ASTN2: variants seen among roughly 807,000 people sequenced by gnomAD.
ASTN2 encodes the protein astrotactin-2.
ASTN2 carries 54 observed loss-of-function variants against 139.8 expected under a neutral mutation model. The observed-to-expected ratio is 0.39, with a 90% CI of 0.31 to 0.48. The LOEUF is 0.48. Ranked by LOEUF, ASTN2 falls within the 20% of genes least tolerant of loss-of-function variation. ASTN2 has a pLI of 0.95. For missense variants in ASTN2, 1,565 were observed against 1,725.1 expected (o/e 0.91, Z 1.64); for synonymous variants, 756 against 719.5 (o/e 1.05, Z -0.81).
At chr9:116,607,670 AACACACACACACACACACACACACAC>A (rs57512218) in intron 19 of ASTN2, among the ~76,000 whole-genome samples, 31 of 136,366 alleles carry the variant, frequency 2.3e-4, no homozygotes, top group Non-Finnish European at 3.2e-4. Context: ...TTAAGAAATT[AACACACACACACACACACACACACAC>A]ACACACACAC....
In ASTN2 at chr9:116,978,487, T is replaced by TCACGCGCG. The variant is rs1240343774; in HGVS notation, c.1592-1703_1592-1702insCGCGCGTG. Among the ~76,000 whole-genome samples, 252 of 128,824 alleles carry TCACGCGCG rather than the reference T, an allele frequency of 2.0e-3. 1 individual carries two copies. Among genetic ancestry groups the TCACGCGCG allele is most frequent in the Middle Eastern group, 7.7e-3 (2 of 260 alleles). The allele number at this position is 128,824 out of a possible 152,430, so 84.5% of individuals were successfully genotyped here. Reference sequence around the variant, plus strand: ...CTGTATGTATCTCTCTCTCTCTCTCTCTCTCACGCACACACACACACACAC... The same window carrying TCACGCGCG: ...CTGTATGTATCTCTCTCTCTCTCTCTCACGCGCGCTCTCACGCACACACACACACACAC... On this transcript the variant is annotated intron_variant, in intron 7 of 22. Coordinates refer to ENST00000313400, the MANE Select transcript of ASTN2 (RefSeq NM_001365068.1).
chr9:117,395,824 T>C (rs1830662675), intron 1 of ASTN2, among the ~76,000 whole-genome samples: 1 of 152,132 alleles, frequency 6.6e-6, no homozygotes, highest in African/African-American at 2.4e-5. Context: ...TGTTGAGGTG[T>C]GGTCCCAGAT....
intron 1 of ASTN2, among the ~76,000 whole-genome samples, chr9:117,378,513 C>G (rs111958536): frequency 9.9e-5 from 15 of 152,198 alleles, no homozygotes; most frequent in Non-Finnish European, 5.9e-5. Flanking sequence ...AAACACCATT[C>G]TCAGGGAGAC....
intron 20 of ASTN2, among the ~76,000 whole-genome samples, chr9:116,444,843 T>C (rs1390640642): frequency 6.6e-6 from 1 of 152,170 alleles, no homozygotes; most frequent in Non-Finnish European, 1.5e-5. Context: ...AAGTGCAGTA[T>C]GGATAGATGT....
rs568246957 is a variant in ASTN2 at position 116,667,342 on chromosome 9, G to A, written c.2807-15549C>T. Among the ~76,000 whole-genome samples, 6 of 152,186 alleles carry A rather than the reference G, an allele frequency of 3.9e-5. No homozygotes were observed. In the South Asian group the frequency reaches 1.2e-3, roughly 32 times the overall value. On this transcript the variant is annotated intron_variant, in intron 16 of 22. Transcript: ENST00000313400. ...AATATGAAATGCTAGATGTGATAAT[G>A]ATGTTGAGCTTATGTTAAAAAAAAC...
At chr9:116,619,050 G>C (rs1855995070) in intron 18 of ASTN2, among the ~76,000 whole-genome samples, 1 of 152,006 alleles carries the variant, frequency 6.6e-6, no homozygotes, top group African/African-American at 2.4e-5. Context: ...CTCAAAAAAA[G>C]GAAACAGTTT....
intron 10 of ASTN2, among the ~76,000 whole-genome samples, chr9:116,887,138 A>G (rs1833628534): frequency 6.6e-6 from 1 of 152,204 alleles, no homozygotes; most frequent in Non-Finnish European, 1.5e-5. Context: ...TGCCTATTTC[A>G]TAAGGTTGTT....
intron 3 of ASTN2, among the ~76,000 whole-genome samples, chr9:117,213,640 G>A (rs1048182590): frequency 9.9e-5 from 15 of 152,106 alleles, no homozygotes; most frequent in Admixed American, 6.5e-4. Flanking sequence ...ACAAACAAAT[G>A]GGATCTCAAG....
rs760194940 is a variant in ASTN2 at position 116,425,807 on chromosome 9, C to G, written c.*44G>C. 4.9e-5 allele frequency: 79 copies of G among 1,612,402 alleles called. No homozygotes were observed. Among genetic ancestry groups the G allele is most frequent in the Non-Finnish European group, 6.2e-5 (73 of 1,178,748 alleles). On this transcript the variant is annotated 3_prime_UTR_variant, in exon 23 of 23. Transcript: ENST00000313400. The stretch of plus-strand genomic sequence containing the variant: ...AGGATCCAGGAGAATACTGCTCCCC[C>G]TCCCATGGAGAGTCTCTGTGCTCAC...
rs1468278654 is a variant in ASTN2, at chr9:116,948,792, T to TTTTTTGTTTTTTTTTTTG, written c.1889+26415_1889+26416insCAAAAAAAAAAACAAAAA. Among the ~76,000 whole-genome samples the TTTTTTGTTTTTTTTTTTG allele has an allele frequency of 1.5e-4, 18 of 117,992 alleles. No individual in the cohort carries two copies. In the East Asian group the frequency reaches 2.9e-3, roughly 19 times the overall value. 77.4% of individuals were successfully genotyped at this position (117,992 alleles called of 152,430 possible). A position where few individuals can be genotyped will look rare whatever the true frequency, so the allele number is the denominator to read the frequency against. ...GGAGAGAAATAATTTGGTGTTTTTT[T>TTTTTTGTTTTTTTTTTTG]TTTTTTTTTTTTTTTTTTGAGAAGG... On this transcript the variant is annotated intron_variant, in intron 10 of 22. Coordinates refer to ENST00000313400, the MANE Select transcript of ASTN2 (RefSeq NM_001365068.1).
At chr9:116,933,147 C>T (rs1834956985) in intron 10 of ASTN2, among the ~76,000 whole-genome samples, 1 of 151,870 alleles carries the variant, frequency 6.6e-6, no homozygotes, top group African/African-American at 2.4e-5. Flanking sequence ...TAATTTAATC[C>T]TAAGAGTTAG....
intron 19 of ASTN2, among the ~76,000 whole-genome samples, chr9:116,542,567 G>A (rs922209359): frequency 6.6e-6 from 1 of 152,164 alleles, no homozygotes; most frequent in Non-Finnish European, 1.5e-5. Flanking sequence ...GAAAAAAATA[G>A]ATTACATTTT....
At chr9:117,021,101 T>A (rs12344027) in intron 6 of ASTN2, among the ~76,000 whole-genome samples, 31,671 of 152,004 alleles carry the variant, frequency 0.21, 3,994 homozygotes, top group Non-Finnish European at 0.27. Flanking sequence ...AGAGATGAGG[T>A]ATTCCTATGT....
At chr9:117,203,435 T>C (rs1056657505) in intron 3 of ASTN2, among the ~76,000 whole-genome samples, 6 of 152,180 alleles carry the variant, frequency 3.9e-5, no homozygotes, top group African/African-American at 7.2e-5. Flanking sequence ...TTTGGGTTTT[T>C]AGCATTTTTT....
At chr9:117,281,878 T>C (rs1473543396) in intron 2 of ASTN2, among the ~76,000 whole-genome samples, 1 of 152,130 alleles carries the variant, frequency 6.6e-6, no homozygotes, top group African/African-American at 2.4e-5. Flanking sequence ...CTGGATGCTG[T>C]CTGGGCTTGA....
intron 16 of ASTN2, among the ~76,000 whole-genome samples, chr9:116,678,232 T>C (rs1037658888): frequency 3.9e-5 from 6 of 152,292 alleles, no homozygotes; most frequent in African/African-American, 1.4e-4. Flanking sequence ...TTACCTACTT[T>C]GGGGCATTAG....
chr9:117,128,191 TG>T (rs1179940641), intron 4 of ASTN2, among the ~76,000 whole-genome samples: 2 of 151,780 alleles, frequency 1.3e-5, no homozygotes, highest in African/African-American at 4.8e-5. Flanking sequence ...CTGGCCAACA[TG>T]GTGAAACCCT....
chr9:116,762,937 C>T (rs534504071), intron 13 of ASTN2, among the ~76,000 whole-genome samples: 2 of 152,194 alleles, frequency 1.3e-5, no homozygotes, highest in African/African-American at 2.4e-5. Flanking sequence ...TATTTCTCTC[C>T]GTTTCACAGA....
chr9:117,096,799 G>A (rs531862167), intron 4 of ASTN2, among the ~76,000 whole-genome samples: 143 of 152,124 alleles, frequency 9.4e-4, no homozygotes, highest in Non-Finnish European at 1.8e-3. Flanking sequence ...ATGCAGGAGC[G>A]AAGATTTAAG....
Sources: gnomAD v4.1 joint callset for allele counts (sites outside exome capture counted in the v4.1 genomes callset) on GRCh38, gnomAD v4.1.1 for gene constraint, MANE v1.5 for transcripts, NCBI Gene and HGNC (gene_info 2026-07-23, HGNC 2026-07-21) for gene names.